The following MTCH1 variants were observed in gnomAD, a reference collection of about 807,000 sequenced individuals.
MTCH1 encodes the protein mitochondrial carrier homolog 1.
A neutral mutation model predicts 49.3 loss-of-function variants in MTCH1; 23 were observed. The observed-to-expected ratio is 0.47, with a 90% CI of 0.34 to 0.66. MTCH1 has a LOEUF of 0.66. Ranked by LOEUF, MTCH1 falls within the 30% of genes least tolerant of loss-of-function variation. The pLI is 0.01. For synonymous variants in MTCH1, 229 were observed against 215.2 expected, an observed-to-expected ratio of 1.06 and a Z score of -0.56; for missense variants, 397 against 532.1, an observed-to-expected ratio of 0.75 and a Z score of 2.50.
chr6:36,978,658 C>T (rs1159861180), intron 2 of MTCH1, 47 bp from the exon 3 acceptor site: 2 of 1,554,360 alleles, frequency 1.3e-6, no homozygotes, highest in Admixed American at 1.7e-5. Context: ...AGTTCAGGGG[C>T]ACCCACTCCT....
chr6:36,986,159 G>A lies in MTCH1; in HGVS notation c.15C>T (p.Asp5=), dbSNP rs1316528744. 1.4e-5 allele frequency: 20 copies of A among 1,435,938 alleles called. No individual in the cohort carries two copies. The East Asian group carries it at 6.2e-4, about 45-fold the overall frequency. 88.9% of individuals were successfully genotyped at this position (1,435,938 alleles called of 1,614,324 possible). A position where few individuals can be genotyped will look rare whatever the true frequency, so the allele number is the denominator to read the frequency against. The stretch of plus-strand genomic sequence containing the variant: ...CGCGAGCCCAGGGCGCCACTTCCGG[G>A]TCCGAAGCTCCCATGGCGCCCGGCG... MGAS[D]PEVAPWARGG... is the part of the protein sequence containing the mutation. The change falls in exon 1 of 12, where the codon GAC becomes GAT. Residue 5 remains aspartate (D), a synonymous_variant. Transcript: ENST00000373627.
In MTCH1 at chr6:36,977,981, C is replaced by G. The variant is rs1366946490; in HGVS notation, c.591+97G>C. 5.3e-6 allele frequency: 6 copies of G among 1,124,662 alleles called. No individual in the cohort carries two copies. Among genetic ancestry groups the G allele is most frequent in the Non-Finnish European group, 8.1e-6 (6 of 739,954 alleles). 69.7% of individuals were successfully genotyped at this position (1,124,662 alleles called of 1,614,324 possible). A position where few individuals can be genotyped will look rare whatever the true frequency, so the allele number is the denominator to read the frequency against. On this transcript the variant is annotated intron_variant, in intron 4 of 11. Transcript: ENST00000373627. The surrounding 1 kb of genome is among the most constrained non-coding windows in gnomAD (Gnocchi z 5.4). ...TCCCACCCATGCATACACAAGGACC[C>G]AACTCTTCGACTTGTCAATGACCCG...
Position 36,986,164 on chromosome 6 carries a change from A to C in MTCH1, c.10T>G (p.Ser4Ala). The change falls in exon 1 of 12, where the codon TCG (serine) becomes GCG (alanine). Residue 4 changes from serine (S) to alanine (A), a missense_variant. Ser to Ala is a moderately conservative substitution (Grantham distance 99). Around this residue, in one of 2 missense-constraint regions of MTCH1, gnomAD observed 145 missense variants for 143.8 expected, o/e 1.01. Transcript: ENST00000373627. ...GCCCAGGGCGCCACTTCCGGGTCCG[A>C]AGCTCCCATGGCGCCCGGCGGCGAG... MGA[S>A]DPEVAPWARG... 1 of 1,433,508 alleles carries C rather than the reference A, an allele frequency of 7.0e-7. No homozygotes were observed. The highest frequency in any genetic ancestry group is 9.1e-7 in the Non-Finnish European group (1 of 1,101,754). The allele number at this position is 1,433,508 out of a possible 1,614,324, so 88.8% of individuals were successfully genotyped here.
rs1251572864 is a variant in MTCH1 at position 36,975,651 on chromosome 6, C to G, written c.761+7G>C. ...TGGCCAGTTATGGGGTGTATAAACT[C>G]ACGTACACGAAGAATCCCAGCAGCC... On this transcript the variant is annotated splice_region_variant and intron_variant, in intron 7 of 11. Transcript: ENST00000373627. 6.2e-7 allele frequency: 1 copy of G among 1,613,850 alleles called. No individual in the cohort carries two copies. Among genetic ancestry groups the G allele is most frequent in the Non-Finnish European group, 8.5e-7 (1 of 1,179,882 alleles).
rs1583251061 is a variant in MTCH1 at position 36,972,493 on chromosome 6, G to T, written c.906+159C>A. Among the ~76,000 whole-genome samples the T allele has an allele frequency of 6.6e-6, 1 of 152,078 alleles. No homozygotes were observed. On this transcript the variant is annotated intron_variant, in intron 8 of 11. Transcript: ENST00000373627. The surrounding 1 kb of genome is among the most constrained non-coding windows in gnomAD (Gnocchi z 4.1). Reference sequence around the variant, plus strand: ...ACTAATCTGGAATCTCGCCTCTTGAGGCCGTTCTCCCCTTAGACAAAGATG... The same window carrying T: ...ACTAATCTGGAATCTCGCCTCTTGATGCCGTTCTCCCCTTAGACAAAGATG...
At position 36,986,112 on chromosome 6, in the gene MTCH1, C is replaced by T. The variant is rs1427174492; in HGVS notation, c.62G>A (p.Gly21Glu). 2.1e-6 allele frequency: 3 copies of T among 1,436,282 alleles called. No individual in the cohort carries two copies. Among genetic ancestry groups the T allele is most frequent in the Non-Finnish European group, 2.7e-6 (3 of 1,105,294 alleles). 89.0% of individuals were successfully genotyped at this position (1,436,282 alleles called of 1,614,324 possible). A position where few individuals can be genotyped will look rare whatever the true frequency, so the allele number is the denominator to read the frequency against. The change falls in exon 1 of 12, where the codon GGA becomes GAA. Residue 21 changes from glycine to glutamate, a missense_variant. Around this residue, in one of 2 missense-constraint regions of MTCH1, gnomAD observed 145 missense variants for 143.8 expected, o/e 1.01. Coordinates refer to ENST00000373627, the MANE Select transcript of MTCH1 (RefSeq NM_001271641.2). ...WARGGAAGMA[G>E]AGAGAGARGG... ...GCGAGCTCCGGCTCCAGCTCCGGCT[C>T]CCGCCATCCCCGCGGCACCGCCGCG...
At chr6:36,978,714 T>C in intron 2 of MTCH1, 103 bp from the exon 3 acceptor site, 1 of 959,492 alleles carries the variant, frequency 1.0e-6, no homozygotes, top group Non-Finnish European at 1.6e-6. Flanking sequence ...TTCAGGTAAC[T>C]GCTGACTACA....
At chr6:36,984,585 A>T (rs573337131) in intron 1 of MTCH1, among the ~76,000 whole-genome samples, 1 of 152,172 alleles carries the variant, frequency 6.6e-6, no homozygotes, top group East Asian at 1.9e-4. Flanking sequence ...TGGGTCTCCA[A>T]TTCAATTTTT....
chr6:36,969,521 G>A (rs976745983), intron 11 of MTCH1: 2 of 1,118,530 alleles, frequency 1.8e-6, no homozygotes, highest in East Asian at 7.0e-5. Context: ...GGTAGCTTCG[G>A]TACAGAACAC....
Position 36,970,087 on chromosome 6 carries a change from G to T in MTCH1, c.1050C>A (p.Ser350=). ...CGLQAGLPPY[S]PVFKSWIHCW... ...AGTGAATCCAGGATTTGAACACTGG[G>T]GAGTAAGGGGGGAGCCCAGCTTGCA... Residue 350 remains serine (S), a synonymous_variant, in exon 11 of 12, where the codon TCC becomes TCA. Transcript: ENST00000373627. 6.2e-7 allele frequency: 1 copy of T among 1,614,168 alleles called. No individual in the cohort carries two copies. The highest frequency in any genetic ancestry group is 8.5e-7 in the Non-Finnish European group (1 of 1,180,012).
In MTCH1 at chr6:36,972,424, G is replaced by A. The variant is rs1195713432; in HGVS notation, c.906+228C>T. Among the ~76,000 whole-genome samples the A allele has an allele frequency of 2.2e-5, 3 of 137,722 alleles. No individual in the cohort carries two copies. Among genetic ancestry groups the A allele is most frequent in the Non-Finnish European group, 3.2e-5 (2 of 61,794 alleles). 90.4% of individuals were successfully genotyped at this position (137,722 alleles called of 152,430 possible). On this transcript the variant is annotated intron_variant, in intron 8 of 11. Transcript: ENST00000373627. This position sits in a 1 kb window ranked among gnomAD's most constrained non-coding sequence, Gnocchi z 4.1. Reference sequence around the variant, plus strand: ...AGATAAGCTGGGGTCTGTTTCTAAGGCGCCCAGGGACAAGCATTCCATTAA... The same window carrying A: ...AGATAAGCTGGGGTCTGTTTCTAAGACGCCCAGGGACAAGCATTCCATTAA...
rs1289157680 is a variant in MTCH1, at chr6:36,978,112, T to A, written c.557A>T (p.Asp186Val). 13 of 1,613,944 alleles carry A rather than the reference T, an allele frequency of 8.1e-6. No homozygotes were observed. The highest frequency in any genetic ancestry group is 5.9e-6 in the Non-Finnish European group (7 of 1,179,790). ...DEIEQVSNKD[D>V]MKTSLKKVVK... ...AACTTTCTTCAGGGAAGTCTTCATA[T>A]CATCCTTGTTGGAAACCTGCTCAAT... is the stretch of plus-strand genomic sequence containing the variant. Residue 186 changes from aspartate to valine, a missense_variant, in exon 4 of 12, where the codon GAT becomes GTT. Physicochemically the swap from Asp to Val is radical, Grantham distance 152. Transcript: ENST00000373627.
chr6:36,981,781 T>A lies in MTCH1; in HGVS notation c.322-109A>T, dbSNP rs556795482. The stretch of plus-strand genomic sequence containing the variant: ...TTTGCTTAACTCTTCTCCCACAAAT[T>A]CTAATGTGGCTCTTGTTCATGTTTT... On this transcript the variant is annotated intron_variant, in intron 1 of 11. Coordinates refer to ENST00000373627, the MANE Select transcript of MTCH1 (RefSeq NM_001271641.2). The A allele has an allele frequency of 2.0e-5, 18 of 883,590 alleles. No individual in the cohort carries two copies. The African/African-American group carries it at 3.1e-4, about 15-fold the overall frequency. 54.7% of individuals were successfully genotyped at this position (883,590 alleles called of 1,614,324 possible).
At chr6:36,978,915 T>G (rs1302436599) in intron 2 of MTCH1, among the ~76,000 whole-genome samples, 2 of 148,360 alleles carry the variant, frequency 1.3e-5, no homozygotes, top group Non-Finnish European at 3.0e-5. Flanking sequence ...AAAACTTTAC[T>G]TGGCAAACTC....
rs1026290569 is a variant in MTCH1 at position 36,982,916 on chromosome 6, G to A, written c.322-1244C>T. On this transcript the variant is annotated intron_variant, in intron 1 of 11. Coordinates refer to ENST00000373627, the MANE Select transcript of MTCH1 (RefSeq NM_001271641.2). This position sits in a 1 kb window ranked among gnomAD's most constrained non-coding sequence, Gnocchi z 4.1. ...GCCAGCTGGGCCCATGGACCAGAGC[G>A]ATTCCTCTGACATGTGGGAGAGGAT... Among the ~76,000 whole-genome samples, 1 of 152,252 alleles carries A rather than the reference G, an allele frequency of 6.6e-6. No homozygotes were observed. The highest frequency in any genetic ancestry group is 1.9e-4 in the East Asian group (1 of 5,202).
chr6:36,969,128 T>A, intron 11 of MTCH1, 154 bp from the exon 12 acceptor site: 1 of 985,330 alleles, frequency 1.0e-6, no homozygotes. Context: ...GAGGGCAGAA[T>A]CTGCCTGTGT....
intron 6 of MTCH1, among the ~76,000 whole-genome samples, chr6:36,976,267 G>A (rs1763875166): frequency 6.6e-6 from 1 of 152,202 alleles, no homozygotes; most frequent in Non-Finnish European, 1.5e-5. Context: ...TCATGCCCTG[G>A]CCACTGCACC....
chr6:36,968,986 G>A lies in MTCH1; in HGVS notation c.1099-12C>T. ...CGGAAGAGCTGGCCCTGGACCAGAAGGAAAAGTAAGGTGAGTGAAAGGGAG... is the reference window on the plus strand; with the variant it reads ...CGGAAGAGCTGGCCCTGGACCAGAAAGAAAAGTAAGGTGAGTGAAAGGGAG... On this transcript the variant is annotated splice_polypyrimidine_tract_variant and intron_variant, in intron 11 of 11. Coordinates refer to ENST00000373627, the MANE Select transcript of MTCH1 (RefSeq NM_001271641.2). 1 of 1,613,640 alleles carries A rather than the reference G, an allele frequency of 6.2e-7. No homozygotes were observed. Among genetic ancestry groups the A allele is most frequent in the Non-Finnish European group, 8.5e-7 (1 of 1,179,748 alleles).
chr6:36,969,708 A>T (rs1763604007), intron 11 of MTCH1: 1 of 1,226,138 alleles, frequency 8.2e-7, no homozygotes, highest in Non-Finnish European at 1.0e-6. Context: ...AGCCCATGTT[A>T]CTTGAAGGAG....
Sources: gnomAD v4.1 joint callset for allele counts (sites outside exome capture counted in the v4.1 genomes callset) on GRCh38, gnomAD v4.1.1 for gene constraint, gnomAD v4.1.1 regional missense constraint, Gnocchi (gnomAD v3.1) non-coding constraint, MANE v1.5 for transcripts, NCBI Gene and HGNC (gene_info 2026-07-23, HGNC 2026-07-21) for gene names.